Variants in UFL1 observed in about 807,000 individuals in gnomAD.
UFL1 encodes the protein UFM1 specific ligase 1.
A neutral mutation model predicts 99.3 loss-of-function variants in UFL1; 78 were observed. The observed-to-expected ratio is 0.79, with a 90% confidence interval of 0.65 to 0.95. The LOEUF (loss-of-function observed/expected upper bound fraction) is 0.95, where lower values mean the gene tolerates loss of function less well. UFL1 is among the 40% of genes least tolerant of loss of function. The probability of loss-of-function intolerance (pLI) is 0.00; values close to 1 mark genes in which losing one functional copy is unlikely to be tolerated. For missense variants in UFL1, 936 were observed against 937.0 expected, an observed-to-expected ratio of 1.00 and a Z score of 0.01; for synonymous variants, 335 against 322.2, an observed-to-expected ratio of 1.04 and a Z score of -0.42.
In UFL1 at chr6:96,543,009, C is replaced by A; in HGVS notation, c.1395C>A (p.Ser465=). 6.3e-7 allele frequency: 1 copy of A among 1,589,418 alleles called. No individual in the cohort carries two copies. Among genetic ancestry groups the A allele is most frequent in the Non-Finnish European group, 8.6e-7 (1 of 1,168,064 alleles). ...DDDSDDESQS[S]HTGKKKPEIS... The stretch of plus-strand genomic sequence containing the variant: ...ATAGTGATGATGAATCTCAATCATC[C>A]CACACTGGTAGGTAGCTTTTCTTTA... The change falls in exon 12 of 19, where the codon TCC becomes TCA. Residue 465 remains serine (S), a synonymous_variant. Coordinates refer to ENST00000369278, the MANE Select transcript of UFL1 (RefSeq NM_015323.5).
rs535655452 is a variant in UFL1 at position 96,543,067 on chromosome 6, A to G, written c.1402+51A>G. Reference sequence around the variant, plus strand: ...TTGGTGTATGTGTGATATTTGTAACATATTTTCTTAAGATGTATATAATTA... The same window carrying G: ...TTGGTGTATGTGTGATATTTGTAACGTATTTTCTTAAGATGTATATAATTA... On this transcript the variant is annotated intron_variant, in intron 12 of 18. Coordinates refer to ENST00000369278, the MANE Select transcript of UFL1 (RefSeq NM_015323.5). 1.2e-5 allele frequency: 19 copies of G among 1,537,830 alleles called. No homozygotes were observed. In the African/African-American group the frequency reaches 2.3e-4, roughly 19 times the overall value.
intron 5 of UFL1, among the ~76,000 whole-genome samples, chr6:96,527,628 A>G (rs539205171): frequency 1.3e-5 from 2 of 152,278 alleles, no homozygotes; most frequent in African/African-American, 4.8e-5. Context: ...TTACATGGGC[A>G]AACATATGTT....
Position 96,548,297 on chromosome 6 carries a change from A to T in UFL1, c.1520+16A>T, listed in dbSNP as rs535820492. On this transcript the variant is annotated intron_variant, in intron 13 of 18. Coordinates refer to ENST00000369278, the MANE Select transcript of UFL1 (RefSeq NM_015323.5). The stretch of plus-strand genomic sequence containing the variant: ...ACTTAATAAAGCAAGTATAAAATGT[A>T]TTTTTTCTGTTTTATGGTAGAAATT... 6.8e-7 allele frequency: 1 copy of T among 1,463,818 alleles called. No individual in the cohort carries two copies. The highest frequency in any genetic ancestry group is 2.4e-5 in the East Asian group (1 of 42,248). 90.7% of individuals were successfully genotyped at this position (1,463,818 alleles called of 1,614,324 possible). A position where few individuals can be genotyped will look rare whatever the true frequency, so the allele number is the denominator to read the frequency against.
rs760613866 is a variant in UFL1 at position 96,553,423 on chromosome 6, C to T, written c.2305C>T (p.Arg769Cys). ...ACAAGAAGATGTTGCCAGTACTACT[C>T]GTAAAGAGCTTCAAGAACTTTCTTC... is the stretch of plus-strand genomic sequence containing the variant. ...KEQEDVASTTRKELQELSSSI... is the reference protein window; with the variant it reads ...KEQEDVASTTCKELQELSSSI... Residue 769 changes from arginine to cysteine, a missense_variant, in exon 19 of 19, where the codon CGT (arginine) becomes TGT (cysteine). Arg to Cys is a radical substitution (Grantham distance 180, BLOSUM62 -3). Coordinates refer to ENST00000369278, the MANE Select transcript of UFL1 (RefSeq NM_015323.5). The T allele has an allele frequency of 1.2e-5, 19 of 1,613,714 alleles. 1 individual carries two copies. Among genetic ancestry groups the T allele is most frequent in the South Asian group, 3.3e-5 (3 of 91,072 alleles).
intron 5 of UFL1, among the ~76,000 whole-genome samples, 188 bp from the exon 6 acceptor site, chr6:96,528,314 A>T (rs1479351590): frequency 1.3e-5 from 2 of 152,214 alleles, no homozygotes; most frequent in African/African-American, 4.8e-5. Flanking sequence ...CTCTGCCATG[A>T]GATAGTGAAC....
At position 96,528,589 on chromosome 6, in the gene UFL1, C is replaced by T. The variant is rs568421091; in HGVS notation, c.553C>T (p.Arg185Ter). The T allele has an allele frequency of 1.9e-6, 3 of 1,613,736 alleles. No individual in the cohort carries two copies. The highest frequency in any genetic ancestry group is 2.2e-5 in the East Asian group (1 of 44,866). ...AATTTTTACGGAAGCTTTTGTAGCT[C>T]GACATAAAGCACGTATCCGTGGACT... ...GVIFTEAFVARHKARIRGLFS... is the reference protein window; with the variant it reads ...GVIFTEAFVA The change falls in exon 6 of 19, where the codon CGA becomes TGA. Residue 185 changes from arginine to a stop codon, truncating the protein, a stop_gained. Coordinates refer to ENST00000369278, the MANE Select transcript of UFL1 (RefSeq NM_015323.5). LOFTEE classifies it high-confidence loss of function.
At chr6:96,534,224 ATGAG>A in intron 6 of UFL1, 35 bp from the exon 7 acceptor site, 1 of 1,355,662 alleles carries the variant, frequency 7.4e-7, no homozygotes. Context: ...TAACACTATA[ATGAG>A]TAAGAAGTTT....
At position 96,549,701 on chromosome 6, in the gene UFL1, C is replaced by G. The variant is rs1438554354; in HGVS notation, c.1720C>G (p.Leu574Val). The G allele has an allele frequency of 6.2e-7, 1 of 1,612,116 alleles. No individual in the cohort carries two copies. Among genetic ancestry groups the G allele is most frequent in the East Asian group, 2.2e-5 (1 of 44,824 alleles). ...ACAGGCTGCTCTTACCAAACACTTG[C>G]TGAAGTCAGTGTGTACTGATATCAC... ...DTQAALTKHLLKSVCTDITNL... is the reference protein window; with the variant it reads ...DTQAALTKHLVKSVCTDITNL... Residue 574 changes from leucine to valine, a missense_variant, in exon 15 of 19, where the codon CTG becomes GTG. Physicochemically the swap from Leu to Val is conservative, Grantham distance 32. Transcript: ENST00000369278.
chr6:96,539,467 A>C (rs1167345036), intron 10 of UFL1, among the ~76,000 whole-genome samples: 2 of 151,556 alleles, frequency 1.3e-5, no homozygotes, highest in African/African-American at 4.8e-5. Context: ...GTTTATACTT[A>C]GCTGTTCTCC....
At chr6:96,544,422 A>G (rs1307455687) in intron 12 of UFL1, among the ~76,000 whole-genome samples, 1 of 150,996 alleles carries the variant, frequency 6.6e-6, no homozygotes, top group East Asian at 1.9e-4. Flanking sequence ...AAAACTTTAA[A>G]TGATAATAGA....
intron 18 of UFL1, among the ~76,000 whole-genome samples, chr6:96,553,034 G>C (rs1470591935): frequency 3.9e-5 from 6 of 151,924 alleles, no homozygotes; most frequent in Admixed American, 3.9e-4. Context: ...TGTATCTTTG[G>C]TGATAGAACC....
intron 13 of UFL1, 96 bp from the exon 14 acceptor site, chr6:96,549,316 C>A (rs1770042566): frequency 3.1e-6 from 3 of 975,628 alleles, no homozygotes; most frequent in South Asian, 2.7e-5. Flanking sequence ...ATAGAGATTT[C>A]TATTCTTAAG....
chr6:96,538,333 T>G (rs1769881991), intron 9 of UFL1, among the ~76,000 whole-genome samples: 1 of 151,788 alleles, frequency 6.6e-6, no homozygotes, highest in South Asian at 2.1e-4. Flanking sequence ...GTGGACTGTT[T>G]GTGACTTTGT....
chr6:96,536,973 C>CATAT (rs71785495), intron 8 of UFL1, among the ~76,000 whole-genome samples: 7 of 149,912 alleles, frequency 4.7e-5, no homozygotes, highest in Non-Finnish European at 8.9e-5. Context: ...AAACAATTAG[C>CATAT]ATATATATAT....
In UFL1 at chr6:96,555,130, A is replaced by G. The variant is rs1418848953; in HGVS notation, c.*1627A>G. ...TTCTTTTGTTGCCACAGTAAAGAAC[A>G]GTTTTTATTGTTTTGTAAGTAAAAT... On this transcript the variant is annotated 3_prime_UTR_variant, in exon 19 of 19. Coordinates refer to ENST00000369278, the MANE Select transcript of UFL1 (RefSeq NM_015323.5). 6.6e-6 allele frequency: 1 copy of G among 152,390 alleles called. No individual in the cohort carries two copies. The highest frequency in any genetic ancestry group is 1.5e-5 in the Non-Finnish European group (1 of 68,010). 9.4% of individuals were successfully genotyped at this position (152,390 alleles called of 1,614,324 possible). A position where few individuals can be genotyped will look rare whatever the true frequency, so the allele number is the denominator to read the frequency against.
chr6:96,542,323 G>GC (rs1682526428), intron 11 of UFL1, among the ~76,000 whole-genome samples: 1 of 151,106 alleles, frequency 6.6e-6, no homozygotes. Context: ...TATGTTTCAC[G>GC]CATTTCTGTA....
Position 96,534,295 on chromosome 6 carries a change from A to G in UFL1, c.629A>G (p.Tyr210Cys), listed in dbSNP as rs1480767424. 1 of 1,581,056 alleles carries G rather than the reference A, an allele frequency of 6.3e-7. No homozygotes were observed. The highest frequency in any genetic ancestry group is 2.3e-5 in the East Asian group (1 of 43,744). The stretch of plus-strand genomic sequence containing the variant: ...GCTGTGAATTCTTTGATTTCAAAAT[A>G]TGGATTTCAGGAGCAGCTTCTTTAC... ...PTAVNSLISK[Y>C]GFQEQLLYSV... Residue 210 changes from tyrosine to cysteine, a missense_variant, in exon 7 of 19, where the codon TAT becomes TGT. Physicochemically the swap from Tyr to Cys is radical, Grantham distance 194. Transcript: ENST00000369278.
intron 12 of UFL1, among the ~76,000 whole-genome samples, chr6:96,544,028 T>C (rs1038910082): frequency 1.3e-4 from 20 of 151,306 alleles, no homozygotes; most frequent in African/African-American, 4.8e-4. Context: ...TAATTTTTCC[T>C]ATTGATTATT....
intron 4 of UFL1, among the ~76,000 whole-genome samples, chr6:96,526,085 C>CA (rs777292473): frequency 0.033 from 3,649 of 111,618 alleles, 42 homozygotes; most frequent in Non-Finnish European, 0.038. Flanking sequence ...GACCTTGATG[C>CA]AAAAAAAAAA....
Sources: allele counts gnomAD v4.1 joint callset (sites outside exome capture counted in the v4.1 genomes callset), GRCh38; gene constraint gnomAD v4.1.1; transcripts MANE v1.5; gene names NCBI Gene and HGNC (gene_info 2026-07-23, HGNC 2026-07-21).